Variants in BAIAP3 observed in about 807,000 individuals in gnomAD.
BAIAP3 encodes BAI1-associated protein 3.
Under a neutral mutation model 149.7 loss-of-function variants are expected in BAIAP3, and 180 were observed. That is an observed-to-expected ratio of 1.20 (90% CI 1.07 to 1.36). BAIAP3 has a LOEUF of 1.36. Among genes scored for constraint, BAIAP3 ranks in the 40% most tolerant of loss-of-function variants. The probability of loss-of-function intolerance (pLI) is 0.00; values close to 1 mark genes in which losing one functional copy is unlikely to be tolerated. For synonymous variants in BAIAP3, 845 were observed against 670.7 expected, an observed-to-expected ratio of 1.26 and a Z score of -4.02; for missense variants, 1,767 against 1,563.4, an observed-to-expected ratio of 1.13 and a Z score of -2.20.
intron 21 of BAIAP3, 46 bp downstream of exon 21, chr16:1,345,145 G>A (rs2034224970): frequency 6.2e-7 from 1 of 1,611,432 alleles, no homozygotes; most frequent in East Asian, 2.2e-5. Context: ...TTGGGACCAG[G>A]GCCCCAGGAC....
At chr16:1,335,200 G>A (rs189340089) in intron 1 of BAIAP3, among the ~76,000 whole-genome samples, 1 of 152,340 alleles carries the variant, frequency 6.6e-6, no homozygotes, top group East Asian at 1.9e-4. Context: ...CATCCTCCTT[G>A]CAAAATGTCA....
rs1234185165 is a variant in BAIAP3 at position 1,342,897 on chromosome 16, A to G, written c.1162-16A>G. 5.0e-6 allele frequency: 8 copies of G among 1,612,132 alleles called. No homozygotes were observed. Among genetic ancestry groups the G allele is most frequent in the African/African-American group, 1.3e-5 (1 of 74,942 alleles). On this transcript the variant is annotated splice_polypyrimidine_tract_variant and intron_variant, in intron 13 of 33. Transcript: ENST00000426824. ...GGGCTGTCCCGCCTCCACCCACGAC[A>G]GACCTCCTCCCCCAGCCCAACTCCA...
intron 9 of BAIAP3, 58 bp downstream of exon 9, chr16:1,341,924 G>A: frequency 6.3e-7 from 1 of 1,594,142 alleles, no homozygotes; most frequent in East Asian, 2.2e-5. Context: ...CGGGGGAGCA[G>A]GACGGACTCA....
At position 1,348,609 on chromosome 16, in the gene BAIAP3, C is replaced by T. The variant is rs1406117284; in HGVS notation, c.*127C>T. 1.7e-5 allele frequency: 16 copies of T among 943,766 alleles called. No homozygotes were observed. Among genetic ancestry groups the T allele is most frequent in the South Asian group, 4.7e-5 (3 of 63,770 alleles). 58.5% of individuals were successfully genotyped at this position (943,766 alleles called of 1,614,324 possible). The stretch of plus-strand genomic sequence containing the variant: ...CCCTCCTGTGCTGTGACGTGTGTGT[C>T]GTGGCTGGCCCCGCGGCGCCTACCG... On this transcript the variant is annotated 3_prime_UTR_variant, in exon 34 of 34. Transcript: ENST00000426824.
intron 21 of BAIAP3, 26 bp downstream of exon 21, chr16:1,345,125 C>T (rs1430823130): frequency 1.2e-6 from 2 of 1,612,316 alleles, no homozygotes; most frequent in Non-Finnish European, 1.7e-6. Flanking sequence ...CTATCTCTTG[C>T]AGACAGACTT....
In BAIAP3 at chr16:1,347,878, G is replaced by A. The variant is rs755979352; in HGVS notation, c.3026-16G>A. 4.2e-5 allele frequency: 67 copies of A among 1,610,426 alleles called. No individual in the cohort carries two copies. Among genetic ancestry groups the A allele is most frequent in the Middle Eastern group, 1.6e-4 (1 of 6,082 alleles). ...GTGGGATGGGGGCAGGGGGGCTCAC[G>A]ACTGTGCTCCTGCAGGCTTAAGTGA... On this transcript the variant is annotated splice_polypyrimidine_tract_variant and intron_variant, in intron 31 of 33. Coordinates refer to ENST00000426824, the MANE Select transcript of BAIAP3 (RefSeq NM_001199097.2).
chr16:1,341,925 G>T, intron 9 of BAIAP3, 59 bp downstream of exon 9: 5 of 1,593,138 alleles, frequency 3.1e-6, no homozygotes, highest in Non-Finnish European at 4.3e-6. Flanking sequence ...GGGGGAGCAG[G>T]ACGGACTCAG....
In BAIAP3 at chr16:1,344,957, T is replaced by C. The variant is rs1156741987; in HGVS notation, c.1810-12T>C. 14 of 1,613,424 alleles carry C rather than the reference T, an allele frequency of 8.7e-6. No homozygotes were observed. Among genetic ancestry groups the C allele is most frequent in the Non-Finnish European group, 1.2e-5 (14 of 1,179,974 alleles). Reference sequence around the variant, plus strand: ...CTTGCTGCTGGAGGCCTGATCCTGCTGTCCCGGACAGGTGGCTGAGGAGGC... The same window carrying C: ...CTTGCTGCTGGAGGCCTGATCCTGCCGTCCCGGACAGGTGGCTGAGGAGGC... On this transcript the variant is annotated splice_polypyrimidine_tract_variant and intron_variant, in intron 20 of 33. Transcript: ENST00000426824.
rs919741207 is a variant in BAIAP3, at chr16:1,347,277, T to C, written c.2752-21T>C. ...CACAAGCCAGGCTCCCTGACACCTC[T>C]GCCTTCTTTCCCTGCCCCAGGCCCT... On this transcript the variant is annotated intron_variant, in intron 28 of 33. Coordinates refer to ENST00000426824, the MANE Select transcript of BAIAP3 (RefSeq NM_001199097.2). 3.7e-6 allele frequency: 6 copies of C among 1,611,120 alleles called. No homozygotes were observed. In the African/African-American group the frequency reaches 6.7e-5, roughly 18 times the overall value.
intron 1 of BAIAP3, chr16:1,334,872 G>T (rs886373096): frequency 9.9e-7 from 1 of 1,010,622 alleles, no homozygotes. Context: ...GCAGCGTGGA[G>T]AGCCAGCCTG....
chr16:1,346,214 T>C lies in BAIAP3; in HGVS notation c.2346T>C (p.Ala782=), dbSNP rs1209226648. The change falls in exon 25 of 34, where the codon GCT becomes GCC. Residue 782 remains alanine (A), a synonymous_variant. Transcript: ENST00000426824. ...LNNVELVRKA[A]GQALKGLAWP... ...ATGTGGAGCTCGTGCGCAAGGCTGC[T>C]GGGCAGGCCTTGAAGGGCCTGGCAT... The C allele has an allele frequency of 1.9e-6, 3 of 1,612,186 alleles. No individual in the cohort carries two copies. The Admixed American group carries it at 5.0e-5, about 27-fold the overall frequency.
In BAIAP3 at chr16:1,345,239, C is replaced by A. The variant is rs1262540456; in HGVS notation, c.1941-10C>A. On this transcript the variant is annotated splice_polypyrimidine_tract_variant and intron_variant, in intron 21 of 33. Coordinates refer to ENST00000426824, the MANE Select transcript of BAIAP3 (RefSeq NM_001199097.2). ...GTCAGGGCCGAGCCCTCACAACCCT[C>A]CCACCACAGGGACAGCCGCTCTCTG... 5 of 1,612,516 alleles carry A rather than the reference C, an allele frequency of 3.1e-6. No homozygotes were observed. The South Asian group carries it at 5.5e-5, about 18-fold the overall frequency.
At chr16:1,338,453 G>GGGGGGGGGGGGC in intron 1 of BAIAP3, 87 bp from the exon 2 acceptor site, 1 of 177,274 alleles carries the variant, frequency 5.6e-6, no homozygotes, top group Non-Finnish European at 1.2e-5. Context: ...ACCTCTTCCC[G>GGGGGGGGGGGGC]CCCCACCCCC....
chr16:1,340,343 G>GACACGC (rs1369958628), intron 5 of BAIAP3, among the ~76,000 whole-genome samples: 1 of 108,542 alleles, frequency 9.2e-6, no homozygotes, highest in Non-Finnish European at 1.9e-5. Flanking sequence ...GGTGCACACA[G>GACACGC]ACACACGCAC....
At position 1,347,339 on chromosome 16, in the gene BAIAP3, C is replaced by G. The variant is rs896508671; in HGVS notation, c.2793C>G (p.Pro931=). Residue 931 remains proline (P), a synonymous_variant, in exon 29 of 34, where the codon CCC becomes CCG. Transcript: ENST00000426824. ...TCCACGCAGAGGGTCAGGGTTTGCC[C>G]CTGGAGAGCCTGAGGGATGGAAGCT... ...SFFHAEGQGL[P]LESLRDGSYK... is the part of the protein sequence containing the mutation. 5 of 1,613,420 alleles carry G rather than the reference C, an allele frequency of 3.1e-6. No homozygotes were observed. The highest frequency in any genetic ancestry group is 1.7e-5 in the Admixed American group (1 of 59,994).
In BAIAP3 at chr16:1,342,721, G is replaced by A; in HGVS notation, c.1068G>A (p.Arg356=). The A allele has an allele frequency of 6.2e-7, 1 of 1,612,398 alleles. No homozygotes were observed. The highest frequency in any genetic ancestry group is 1.1e-5 in the South Asian group (1 of 91,052). Residue 356 remains arginine (R), a splice_region_variant and synonymous_variant, in exon 13 of 34, where the codon AGG becomes AGA. Transcript: ENST00000426824. ...ACTGGGTGGGCTCTGCGTTGCAGAG[G>A]GATACGGCCATGAGCCAGCGCGGGC... is the stretch of plus-strand genomic sequence containing the variant. ...HLVLKLITTQ[R]DTAMSQRGRS...
In BAIAP3 at chr16:1,341,117, C is replaced by T. The variant is rs1180941261; in HGVS notation, c.469-12C>T. 6.2e-7 allele frequency: 1 copy of T among 1,611,908 alleles called. No individual in the cohort carries two copies. On this transcript the variant is annotated splice_polypyrimidine_tract_variant and intron_variant, in intron 6 of 33. Coordinates refer to ENST00000426824, the MANE Select transcript of BAIAP3 (RefSeq NM_001199097.2). ...CAGCCTCACCAGGCCCCCCACGCCC[C>T]TCTGTCCACAGGCCCCCACGTATGC...
Position 1,338,573 on chromosome 16 carries a change from G to C in BAIAP3, c.24G>C (p.Lys8Asn), listed in dbSNP as rs373479839. MSTLLDI[K>N]SSVLRQVQVC... Reference sequence around the variant, plus strand: ...CCATGTCGACCTTGCTGGACATTAAGAGCAGCGTGCTCAGGCAGGTGCAGG... The same window carrying C: ...CCATGTCGACCTTGCTGGACATTAACAGCAGCGTGCTCAGGCAGGTGCAGG... Residue 8 changes from lysine to asparagine, a missense_variant, in exon 2 of 34, where the codon AAG becomes AAC. Transcript: ENST00000426824. 23 of 1,609,232 alleles carry C rather than the reference G, an allele frequency of 1.4e-5. 1 individual carries two copies. The highest frequency in any genetic ancestry group is 1.7e-4 in the Middle Eastern group (1 of 5,772).
At chr16:1,340,375 A>ATG (rs2033833022) in intron 5 of BAIAP3, among the ~76,000 whole-genome samples, 1 of 138,630 alleles carries the variant, frequency 7.2e-6, no homozygotes, top group African/African-American at 2.6e-5. Context: ...GTGCACACAG[A>ATG]CACGCACACA....
Sources: allele counts gnomAD v4.1 joint callset (sites outside exome capture counted in the v4.1 genomes callset), GRCh38; gene constraint gnomAD v4.1.1; transcripts MANE v1.5; gene names NCBI Gene and HGNC (gene_info 2026-07-23, HGNC 2026-07-21).